Variants in ADAM12 observed in about 807,000 individuals in gnomAD.
The protein encoded by ADAM12 is ADAM metallopeptidase domain 12.
ADAM12 carries 70 observed loss-of-function variants against 106.4 expected under a neutral mutation model. That is an observed-to-expected ratio of 0.66 (90% CI 0.54 to 0.80). The LOEUF is 0.80. Ranked by LOEUF, ADAM12 falls within the 30% of genes least tolerant of loss-of-function variation. The pLI, the probability that ADAM12 is intolerant of heterozygous loss-of-function variation, is 0.00. For missense variants in ADAM12, 1,010 were observed against 1,171.9 expected (o/e 0.86, Z 2.02); for synonymous variants, 420 against 433.5 (o/e 0.97, Z 0.39).
intron 10 of ADAM12, among the ~76,000 whole-genome samples, chr10:126,094,402 C>G (rs1438175235): frequency 6.6e-6 from 1 of 152,182 alleles, no homozygotes; most frequent in African/African-American, 2.4e-5. Flanking sequence ...TACATGACAT[C>G]TTCAAGGCAG....
At chr10:126,085,299 T>C (rs1955315630) in intron 11 of ADAM12, among the ~76,000 whole-genome samples, 1 of 152,238 alleles carries the variant, frequency 6.6e-6, no homozygotes, top group Admixed American at 6.5e-5. Flanking sequence ...TGTAGAATGA[T>C]GTGGAATAAA....
intron 2 of ADAM12, among the ~76,000 whole-genome samples, chr10:126,298,611 G>T (rs188787684): frequency 5.3e-5 from 8 of 152,114 alleles, no homozygotes; most frequent in Admixed American, 4.6e-4. Context: ...AGCAATATTT[G>T]AAGAGAAAAT....
rs1243436233 is a variant in ADAM12 at position 126,016,005 on chromosome 10, T to G, written c.*1274A>C. ...GTTGATAAGCAAGTTGATTTCCTTA[T>G]CACATTCTGTGATGCTCAACAGGTA... On this transcript the variant is annotated 3_prime_UTR_variant, in exon 23 of 23. Coordinates refer to ENST00000448723, the MANE Select transcript of ADAM12 (RefSeq NM_001288973.2). The G allele has an allele frequency of 6.6e-6, 1 of 152,200 alleles. No individual in the cohort carries two copies. The highest frequency in any genetic ancestry group is 1.5e-5 in the Non-Finnish European group (1 of 68,034). The allele number at this position is 152,200 out of a possible 1,614,324, so 9.4% of individuals were successfully genotyped here.
intron 2 of ADAM12, among the ~76,000 whole-genome samples, chr10:126,316,097 A>T (rs1037492726): frequency 6.6e-6 from 1 of 152,140 alleles, no homozygotes; most frequent in Non-Finnish European, 1.5e-5. Flanking sequence ...ATATGATAGA[A>T]TTTTTTACCC....
At chr10:126,171,461 T>C (rs1442505983) in intron 3 of ADAM12, among the ~76,000 whole-genome samples, 1 of 152,208 alleles carries the variant, frequency 6.6e-6, no homozygotes, top group Non-Finnish European at 1.5e-5. Flanking sequence ...TAGAGTTCAT[T>C]TGCTGTCCAG....
intron 1 of ADAM12, among the ~76,000 whole-genome samples, chr10:126,339,871 T>C (rs1057229265): frequency 1.5e-5 from 2 of 136,956 alleles, no homozygotes; most frequent in South Asian, 4.7e-4. Context: ...TTTTTTTTTT[T>C]TGAGACAGAG....
chr10:126,155,823 A>C (rs1172882252), intron 3 of ADAM12, among the ~76,000 whole-genome samples: 1 of 152,202 alleles, frequency 6.6e-6, no homozygotes, highest in Non-Finnish European at 1.5e-5. Context: ...GAAATGTCAC[A>C]GAAGAGAATA....
intron 18 of ADAM12, 119 bp from the exon 19 acceptor site, chr10:126,039,548 C>A: frequency 8.3e-7 from 1 of 1,203,480 alleles, no homozygotes; most frequent in Non-Finnish European, 1.2e-6. Flanking sequence ...AGAGAGTACA[C>A]CCGTGAGTGA....
At chr10:126,387,726 G>A (rs1282888765) in intron 1 of ADAM12, among the ~76,000 whole-genome samples, 1 of 152,136 alleles carries the variant, frequency 6.6e-6, no homozygotes, top group African/African-American at 2.4e-5. Flanking sequence ...GACACGCATC[G>A]TCCCGAGTGA....
At chr10:126,132,313 A>G (rs1204785932) in intron 5 of ADAM12, among the ~76,000 whole-genome samples, 1 of 152,168 alleles carries the variant, frequency 6.6e-6, no homozygotes, top group South Asian at 2.1e-4. Context: ...CTTAATGCCA[A>G]ATTGAAGGCT....
intron 6 of ADAM12, among the ~76,000 whole-genome samples, chr10:126,113,688 ATATATATATATATATATATAT>A (rs1199782208): frequency 7.9e-4 from 8 of 10,146 alleles, no homozygotes; most frequent in Admixed American, 5.0e-3. Context: ...AAAAAAAAAA[ATATATATATATATATATATAT>A]ATATATATAT....
At chr10:126,320,109 A>G (rs1854043485) in intron 2 of ADAM12, among the ~76,000 whole-genome samples, 1 of 152,230 alleles carries the variant, frequency 6.6e-6, no homozygotes, top group South Asian at 2.1e-4. Context: ...ACAACCCAAT[A>G]AAATCTTATT....
chr10:126,329,062 G>T (rs905151563), intron 2 of ADAM12, among the ~76,000 whole-genome samples: 1 of 151,884 alleles, frequency 6.6e-6, no homozygotes, highest in Non-Finnish European at 1.5e-5. Context: ...TCCCTCCAGG[G>T]AAGGTTGTCA....
chr10:126,063,941 G>A (rs1388659027), intron 14 of ADAM12, among the ~76,000 whole-genome samples: 1 of 152,230 alleles, frequency 6.6e-6, no homozygotes, highest in Non-Finnish European at 1.5e-5. Flanking sequence ...TGGAGCTTTA[G>A]AGCAACACCT....
intron 3 of ADAM12, among the ~76,000 whole-genome samples, chr10:126,248,337 G>A (rs553040596): frequency 1.3e-5 from 2 of 152,324 alleles, no homozygotes; most frequent in South Asian, 2.1e-4. Flanking sequence ...ACTTAGCACA[G>A]AGCCTGGCAT....
intron 2 of ADAM12, among the ~76,000 whole-genome samples, chr10:126,292,185 TG>T (rs1960182504): frequency 6.6e-6 from 1 of 152,162 alleles, no homozygotes; most frequent in African/African-American, 2.4e-5. Flanking sequence ...GCTACAGTGC[TG>T]AAAACTCACC....
chr10:126,120,925 T>TTATATATTATATTACATATGTAATATAA (rs1956074048), intron 5 of ADAM12, among the ~76,000 whole-genome samples: 2 of 95,750 alleles, frequency 2.1e-5, no homozygotes, highest in South Asian at 3.2e-4. Context: ...TGCAATATAA[T>TTATATATTATATTACATATGTAATATAA]TATATATTAT....
intron 5 of ADAM12, among the ~76,000 whole-genome samples, chr10:126,126,236 C>T (rs1249194389): frequency 6.6e-6 from 1 of 152,070 alleles, no homozygotes; most frequent in Non-Finnish European, 1.5e-5. Flanking sequence ...GGGTCACGCA[C>T]AGCACTAATG....
chr10:126,286,472 T>C (rs1959866491), intron 2 of ADAM12, among the ~76,000 whole-genome samples: 1 of 152,138 alleles, frequency 6.6e-6, no homozygotes, highest in Non-Finnish European at 1.5e-5. Flanking sequence ...AAAATTAAAA[T>C]ATTGCATTCA....
Sources: gnomAD v4.1 joint callset for allele counts (sites outside exome capture counted in the v4.1 genomes callset) on GRCh38, gnomAD v4.1.1 for gene constraint, MANE v1.5 for transcripts, NCBI Gene and HGNC (gene_info 2026-07-23, HGNC 2026-07-21) for gene names.